The following XKR6 variants were observed in gnomAD, a reference collection of about 807,000 sequenced individuals.
XKR6 encodes XK-related protein 6.
In XKR6, 22 loss-of-function variants were observed where a neutral mutation model predicts 56.7. The observed-to-expected ratio is 0.39, with a 90% CI of 0.28 to 0.55. The LOEUF (loss-of-function observed/expected upper bound fraction) is 0.55. XKR6 is among the 20% of genes least tolerant of loss of function. The probability of loss-of-function intolerance (pLI) is 0.66; values close to 1 mark genes in which losing one functional copy is unlikely to be tolerated. For missense variants in XKR6, 852 were observed against 889.0 expected (o/e 0.96, Z 0.53); for synonymous variants, 524 against 387.8 (o/e 1.35, Z -4.13).
intron 1 of XKR6, among the ~76,000 whole-genome samples, chr8:11,134,695 C>A (rs914061090): frequency 6.6e-6 from 1 of 152,010 alleles, no homozygotes; most frequent in Non-Finnish European, 1.5e-5. Flanking sequence ...TGAATACACA[C>A]ACGCACACAC....
rs181946914 is a variant in XKR6 at position 10,900,413 on chromosome 8, C to T, written c.962-1497G>A. Among the ~76,000 whole-genome samples the T allele has an allele frequency of 1.2e-4, 18 of 152,316 alleles. No individual in the cohort carries two copies. The East Asian group carries it at 2.7e-3, about 23-fold the overall frequency. On this transcript the variant is annotated intron_variant, in intron 2 of 2. Transcript: ENST00000416569. ...CTCCCAGCACTGGCTCTGCGTCACCCGTCTCACAAAGGTCCCCTCCTTCCA... is the reference window on the plus strand; with the variant it reads ...CTCCCAGCACTGGCTCTGCGTCACCTGTCTCACAAAGGTCCCCTCCTTCCA...
At chr8:10,929,384 G>C (rs1243097169) in intron 1 of XKR6, among the ~76,000 whole-genome samples, 7 of 152,212 alleles carry the variant, frequency 4.6e-5, no homozygotes, top group Admixed American at 4.6e-4. Flanking sequence ...GAAGCACTGA[G>C]GTTAAAACAT....
intron 1 of XKR6, among the ~76,000 whole-genome samples, chr8:11,133,351 G>C (rs1360769819): frequency 1.3e-5 from 2 of 152,080 alleles, no homozygotes; most frequent in African/African-American, 2.4e-5. Context: ...TCGTTCCTCT[G>C]TCATGATTAG....
At chr8:11,111,273 G>C (rs1798877906) in intron 1 of XKR6, among the ~76,000 whole-genome samples, 1 of 151,956 alleles carries the variant, frequency 6.6e-6, no homozygotes, top group South Asian at 2.1e-4. Context: ...AATTCATTCA[G>C]CCAATAATAG....
chr8:11,147,058 G>T (rs73665011), intron 1 of XKR6, among the ~76,000 whole-genome samples: 7,805 of 151,492 alleles, frequency 0.052, 656 homozygotes, highest in African/African-American at 0.18. Flanking sequence ...TTGCTAAGAA[G>T]GTAGATCTCA....
chr8:11,103,696 A>C (rs1798571821), intron 1 of XKR6, among the ~76,000 whole-genome samples: 1 of 152,174 alleles, frequency 6.6e-6, no homozygotes, highest in African/African-American at 2.4e-5. Context: ...TTGGAGGGAG[A>C]CTGAGATAAA....
chr8:11,101,329 G>C lies in XKR6; in HGVS notation c.764+99247C>G, dbSNP rs143998053. ...GAGCTGGTTATATTCATGCAGAGCG[G>C]CCTTGAAAAAGATGCCGTGATTGGA... is the stretch of plus-strand genomic sequence containing the variant. On this transcript the variant is annotated intron_variant, in intron 1 of 2. Transcript: ENST00000416569. Among the ~76,000 whole-genome samples the C allele has an allele frequency of 5.3e-5, 8 of 152,300 alleles. No homozygotes were observed. In the East Asian group the frequency reaches 1.5e-3, roughly 29 times the overall value.
intron 1 of XKR6, among the ~76,000 whole-genome samples, chr8:10,948,860 T>C (rs970952275): frequency 6.6e-5 from 10 of 152,172 alleles, no homozygotes; most frequent in African/African-American, 2.4e-4. Flanking sequence ...AAATAGAAGA[T>C]GGCATTTACT....
intron 1 of XKR6, among the ~76,000 whole-genome samples, chr8:10,926,896 C>T (rs1000352674): frequency 1.3e-5 from 2 of 152,108 alleles, no homozygotes; most frequent in Admixed American, 6.5e-5. Flanking sequence ...AGCTCACAGT[C>T]ACTAAGAGAG....
Position 11,145,629 on chromosome 8 carries a change from CAG to C in XKR6, c.764+54945_764+54946del, listed in dbSNP as rs760202006. On this transcript the variant is annotated intron_variant, in intron 1 of 2. Transcript: ENST00000416569. ...GACATTAATAGCATCAACAATGAAA[CAG>C]AGAGAAATCTGACAAAAGGTGCACA... 7.8e-4 allele frequency among the ~76,000 whole-genome samples: 118 copies of C among 152,142 alleles called. 1 individual carries two copies. The highest frequency in any genetic ancestry group is 3.4e-3 in the Middle Eastern group (1 of 294).
chr8:10,972,555 G>A (rs947654425), intron 1 of XKR6, among the ~76,000 whole-genome samples: 2 of 152,312 alleles, frequency 1.3e-5, no homozygotes, highest in East Asian at 1.9e-4. Flanking sequence ...TTTCTGACAT[G>A]AGCTACAACA....
chr8:11,096,990 C>T lies in XKR6; in HGVS notation c.764+103586G>A, dbSNP rs117994427. On this transcript the variant is annotated intron_variant, in intron 1 of 2. Transcript: ENST00000416569. ...CATCCTTTGTACCATCTGATGAGAA[C>T]GGTGTGCTCCATCAATCAATGCCAC... 6.2e-4 allele frequency among the ~76,000 whole-genome samples: 94 copies of T among 152,274 alleles called. 1 individual carries two copies. In the East Asian group the frequency reaches 0.014, roughly 23 times the overall value.
At chr8:11,059,633 G>A (rs1027953870) in intron 1 of XKR6, among the ~76,000 whole-genome samples, 11 of 151,002 alleles carry the variant, frequency 7.3e-5, no homozygotes, top group Non-Finnish European at 1.5e-4. Context: ...GGGGGGCGCG[G>A]GGCGGGGCGG....
intron 1 of XKR6, among the ~76,000 whole-genome samples, chr8:11,123,039 C>G (rs1799532631): frequency 1.3e-5 from 2 of 152,022 alleles, no homozygotes; most frequent in Middle Eastern, 3.2e-3. Flanking sequence ...GAGTTCCAGA[C>G]CAGCCCGGCC....
chr8:11,070,897 C>G (rs1006380656), intron 1 of XKR6, among the ~76,000 whole-genome samples: 2 of 152,158 alleles, frequency 1.3e-5, no homozygotes, highest in Admixed American at 6.5e-5. Context: ...CTGAACCCAC[C>G]AGACCAAGAG....
intron 1 of XKR6, chr8:11,104,850 T>C (rs1288200149): frequency 6.6e-6 from 1 of 152,246 alleles, no homozygotes; most frequent in Admixed American, 6.5e-5. Context: ...AATGCCTGTA[T>C]TGCAGTGGAT....
At chr8:11,043,996 C>A (rs537246089) in intron 1 of XKR6, among the ~76,000 whole-genome samples, 1 of 152,236 alleles carries the variant, frequency 6.6e-6, no homozygotes, top group South Asian at 2.1e-4. Flanking sequence ...AGCTAAACAA[C>A]ACTTGCCTCA....
chr8:11,127,806 G>A (rs1014074708), intron 1 of XKR6, among the ~76,000 whole-genome samples: 6 of 152,092 alleles, frequency 3.9e-5, no homozygotes, highest in East Asian at 1.9e-4. Flanking sequence ...TGGACACTGC[G>A]GGGGGCGCCA....
intron 1 of XKR6, among the ~76,000 whole-genome samples, chr8:11,148,494 C>A (rs896506281): frequency 6.6e-6 from 1 of 152,190 alleles, no homozygotes; most frequent in South Asian, 2.1e-4. Flanking sequence ...TTAAGCGCCC[C>A]AGTTTGTGGT....
Sources: gnomAD v4.1 joint callset for allele counts (sites outside exome capture counted in the v4.1 genomes callset) on GRCh38, gnomAD v4.1.1 for gene constraint, MANE v1.5 for transcripts, NCBI Gene and HGNC (gene_info 2026-07-23, HGNC 2026-07-21) for gene names.